PLEKHG5: variants seen among roughly 807,000 people sequenced by gnomAD.
The protein encoded by PLEKHG5 is pleckstrin homology and RhoGEF domain containing G5, also known as pleckstrin homology domain-containing family G member 5.
PLEKHG5 carries 52 observed loss-of-function variants against 103.8 expected under a neutral mutation model. That is an observed-to-expected ratio of 0.50 (90% CI 0.40 to 0.63). The LOEUF is 0.63. PLEKHG5 is among the 30% of genes least tolerant of loss of function. PLEKHG5 has a pLI of 0.00. For missense variants in PLEKHG5, 1,205 were observed against 1,347.6 expected (o/e 0.89, Z 1.66); for synonymous variants, 592 against 575.5 (o/e 1.03, Z -0.41).
chr1:6,473,892 G>A, intron 7 of PLEKHG5, 121 bp downstream of exon 7: 2 of 993,282 alleles, frequency 2.0e-6, no homozygotes, highest in South Asian at 1.6e-5. Flanking sequence ...TTCCAGAAGG[G>A]ACAATTAAAA....
chr1:6,505,132 C>G lies in PLEKHG5; in HGVS notation c.-164-8563G>C, dbSNP rs1161904419. Among the ~76,000 whole-genome samples, 1 of 152,188 alleles carries G rather than the reference C, an allele frequency of 6.6e-6. No individual in the cohort carries two copies. Among genetic ancestry groups the G allele is most frequent in the African/African-American group, 2.4e-5 (1 of 41,432 alleles). On this transcript the variant is annotated intron_variant, in intron 1 of 21. Coordinates refer to the PLEKHG5 transcript ENST00000377740. The surrounding 1 kb of genome is among the most constrained non-coding windows in gnomAD (Gnocchi z 4.2). Reference sequence around the variant, plus strand: ...GCCCAGGCCCCGGCCCCAGACAGTTCCACAGTGCTGGGAGCTGGAGATCAG... The same window carrying G: ...GCCCAGGCCCCGGCCCCAGACAGTTGCACAGTGCTGGGAGCTGGAGATCAG...
At chr1:6,509,799 C>G (rs1321455677) in intron 1 of PLEKHG5, among the ~76,000 whole-genome samples, 1 of 152,194 alleles carries the variant, frequency 6.6e-6, no homozygotes, top group Non-Finnish European at 1.5e-5. Context: ...AGGAGAGAGC[C>G]CCCCAGGGTG....
At chr1:6,509,491 A>C (rs1320132603) in intron 1 of PLEKHG5, among the ~76,000 whole-genome samples, 3 of 152,322 alleles carry the variant, frequency 2.0e-5, no homozygotes, top group East Asian at 3.9e-4. Context: ...GGGCCAAAAG[A>C]GGAAGAGAAA....
rs767068306 is a variant in PLEKHG5 at position 6,469,436 on chromosome 1, T to C, written c.1948A>G (p.Ile650Val). The C allele has an allele frequency of 6.2e-7, 1 of 1,613,976 alleles. No individual in the cohort carries two copies. Among genetic ancestry groups the C allele is most frequent in the Non-Finnish European group, 8.5e-7 (1 of 1,179,978 alleles). Residue 650 changes from isoleucine to valine, a missense_variant, in exon 18 of 21, where the codon ATC becomes GTC. Coordinates refer to ENST00000377728, the MANE Select transcript of PLEKHG5 (RefSeq NM_020631.6). ...GCACTGTGAAACTCATTCAGGTAGATAAGGAGGAAGGACCCTGGTTAGGGA... is the reference window on the plus strand; with the variant it reads ...GCACTGTGAAACTCATTCAGGTAGACAAGGAGGAAGGACCCTGGTTAGGGA... The part of the protein sequence containing the change: ...ELRDPGSFLL[I>V]YLNEFHSAVG...
chr1:6,471,335 T>C, intron 12 of PLEKHG5, 153 bp downstream of exon 12: 1 of 946,358 alleles, frequency 1.1e-6, no homozygotes, highest in Non-Finnish European at 1.6e-6. Flanking sequence ...GGCGACCGCC[T>C]CGTAATTCCT....
chr1:6,470,468 T>C (rs1644531875), intron 15 of PLEKHG5, 38 bp downstream of exon 15: 5 of 1,610,502 alleles, frequency 3.1e-6, no homozygotes, highest in Non-Finnish European at 4.2e-6. Flanking sequence ...GGCCTTCCTC[T>C]CTCCCAGCCG....
chr1:6,472,483 AG>A (rs983428933), intron 10 of PLEKHG5, 43 bp downstream of exon 10: 3 of 1,325,662 alleles, frequency 2.3e-6, no homozygotes, highest in African/African-American at 1.4e-5. Flanking sequence ...TGTCAGAAAG[AG>A]GGGGGCAGGG....
chr1:6,501,889 A>G lies in PLEKHG5; in HGVS notation c.-164-5320T>C, dbSNP rs1645300526. On this transcript the variant is annotated intron_variant, in intron 1 of 21. Transcript: ENST00000377740. The surrounding 1 kb of genome is among the most constrained non-coding windows in gnomAD (Gnocchi z 4.3). ...ACCTCGTTCTCATTTTCTCCAGGGT[A>G]GCCCCTCACCTGTGAACCCTCCACT... Among the ~76,000 whole-genome samples the G allele has an allele frequency of 6.6e-6, 1 of 152,166 alleles. No homozygotes were observed. The highest frequency in any genetic ancestry group is 1.5e-5 in the Non-Finnish European group (1 of 68,022).
chr1:6,499,000 T>C (rs1426367198), upstream of PLEKHG5, among the ~76,000 whole-genome samples: 1 of 152,212 alleles, frequency 6.6e-6, no homozygotes, highest in Non-Finnish European at 1.5e-5. Flanking sequence ...CTGCCATCTG[T>C]GTTTCCACGG....
chr1:6,492,458 G>C (rs764066300), upstream of PLEKHG5, among the ~76,000 whole-genome samples: 4 of 152,058 alleles, frequency 2.6e-5, no homozygotes, highest in South Asian at 8.3e-4. Context: ...TTGATCTCCC[G>C]GCCTTTCTCC....
upstream of PLEKHG5, among the ~76,000 whole-genome samples, chr1:6,499,137 C>G (rs1645268082): frequency 6.6e-6 from 1 of 152,210 alleles, no homozygotes; most frequent in Non-Finnish European, 1.5e-5. Flanking sequence ...TCTCAAAACT[C>G]TGAGCCTGGG....
intron 1 of PLEKHG5, among the ~76,000 whole-genome samples, chr1:6,480,479 G>A (rs907911810): frequency 6.7e-6 from 1 of 148,288 alleles, no homozygotes; most frequent in African/African-American, 2.5e-5. Context: ...AGTGAGCCGA[G>A]ATCACACCAC....
intron 1 of PLEKHG5, among the ~76,000 whole-genome samples, chr1:6,516,786 T>TTA (rs1553180701): frequency 4.7e-5 from 4 of 85,274 alleles, no homozygotes; most frequent in African/African-American, 1.4e-4. Context: ...TGTGTGTGTG[T>TTA]TATATATATG....
chr1:6,479,192 C>T (rs892639092), intron 1 of PLEKHG5, among the ~76,000 whole-genome samples: 7 of 152,024 alleles, frequency 4.6e-5, no homozygotes, highest in Non-Finnish European at 7.4e-5. Flanking sequence ...GACATTTTCC[C>T]AAGTGTCTAA....
rs555583611 is a variant in PLEKHG5 at position 6,519,122 on chromosome 1, G to A, written c.-165+323C>T. On this transcript the variant is annotated intron_variant, in intron 1 of 21. Coordinates refer to the PLEKHG5 transcript ENST00000377740. ...CTCCCAAAGTGCTGGGATTACAGGC[G>A]TGAGCCACTGCGCCCAGCAACCCTT... 1.4e-4 allele frequency among the ~76,000 whole-genome samples: 21 copies of A among 152,366 alleles called. No individual in the cohort carries two copies. The South Asian group carries it at 2.1e-3, about 15-fold the overall frequency.
intron 1 of PLEKHG5, among the ~76,000 whole-genome samples, chr1:6,507,004 G>GT (rs1210093013): frequency 6.6e-6 from 1 of 152,228 alleles, no homozygotes; most frequent in African/African-American, 2.4e-5. Context: ...AGGGCTGGGG[G>GT]TGCAGACCCT....
intron 3 of PLEKHG5, 36 bp from the exon 4 acceptor site, chr1:6,475,558 T>A: frequency 6.3e-7 from 1 of 1,588,060 alleles, no homozygotes; most frequent in Non-Finnish European, 8.6e-7. Context: ...GCTGGAGGTG[T>A]GGGTGGCCCT....
In PLEKHG5 at chr1:6,468,202, GGACTTA is replaced by G. The variant is rs1557735067; in HGVS notation, c.2628_2633del (p.Lys877_Ser878del). 1.3e-6 allele frequency: 2 copies of G among 1,576,772 alleles called. No homozygotes were observed. The highest frequency in any genetic ancestry group is 3.5e-5 in the Admixed American group (2 of 57,380). ...CCAGCAGCTGGAGGAGGCTGGCCTC[GGACTTA>G]GACTTGAGCAGGTGGGGCGGGCAGC... On this transcript the variant is annotated inframe_deletion, in exon 20 of 21. Coordinates refer to ENST00000377728, the MANE Select transcript of PLEKHG5 (RefSeq NM_020631.6).
In PLEKHG5 at chr1:6,477,380, A is replaced by G. The variant is rs918618422; in HGVS notation, c.43+149T>C. The G allele has an allele frequency of 1.2e-5, 10 of 849,034 alleles. No individual in the cohort carries two copies. In the African/African-American group the frequency reaches 1.3e-4, roughly 11 times the overall value. 52.6% of individuals were successfully genotyped at this position (849,034 alleles called of 1,614,324 possible). ...CATGGACTTTCTCTCTTGCTAAAAA[A>G]CATTTGGAACAAAAGGAACCGTAAC... is the stretch of plus-strand genomic sequence containing the variant. On this transcript the variant is annotated intron_variant, in intron 2 of 20. Transcript: ENST00000377728.
Sources: gnomAD v4.1 joint callset for allele counts (sites outside exome capture counted in the v4.1 genomes callset) on GRCh38, gnomAD v4.1.1 for gene constraint, Gnocchi (gnomAD v3.1) non-coding constraint, MANE v1.5 for transcripts, NCBI Gene and HGNC (gene_info 2026-07-23, HGNC 2026-07-21) for gene names.